Variants in CACNA2D1 observed in about 807,000 individuals in gnomAD.
CACNA2D1 encodes voltage-dependent calcium channel subunit alpha-2/delta-1.
CACNA2D1 carries 53 observed loss-of-function variants against 171.5 expected under a neutral mutation model. The observed-to-expected ratio is 0.31, with a 90% CI of 0.25 to 0.39. The LOEUF is 0.39. Among genes scored for constraint, CACNA2D1 ranks in the 10% least tolerant of loss-of-function variants. The pLI, the probability that CACNA2D1 is intolerant of heterozygous loss-of-function variation, is 1.00. For missense variants in CACNA2D1, 903 were observed against 1,299.8 expected (o/e 0.69, Z 4.69); for synonymous variants, 442 against 443.1 (o/e 1.00, Z 0.03).
intron 3 of CACNA2D1, among the ~76,000 whole-genome samples, chr7:82,309,211 A>G (rs1366994608): frequency 6.6e-6 from 1 of 151,936 alleles, no homozygotes; most frequent in Admixed American, 6.6e-5. Flanking sequence ...TTCAAGATCC[A>G]CCTGGCCAAC....
intron 15 of CACNA2D1, chr7:82,009,343 C>A (rs1799482722): frequency 6.6e-6 from 1 of 152,088 alleles, no homozygotes; most frequent in Admixed American, 6.6e-5. Flanking sequence ...CAGACTCATA[C>A]AGTGATAGAC....
At chr7:82,192,475 TGTGTG>T (rs1798416253) in intron 3 of CACNA2D1, among the ~76,000 whole-genome samples, 3 of 32,154 alleles carry the variant, frequency 9.3e-5, no homozygotes, top group African/African-American at 1.8e-4. Context: ...TGTGTGTGTG[TGTGTG>T]TGTGTGTGTG....
chr7:82,378,940 T>C (rs1270708994), intron 1 of CACNA2D1, among the ~76,000 whole-genome samples: 1 of 3,710 alleles, frequency 2.7e-4, no homozygotes, highest in Non-Finnish European at 6.0e-4. Context: ...GGTTGACTCG[T>C]GTGTGTGTGT....
At chr7:81,962,544 T>G (rs2130263971) in intron 34 of CACNA2D1, 49 bp from the exon 35 acceptor site, 1 of 1,147,486 alleles carries the variant, frequency 8.7e-7, no homozygotes, top group Non-Finnish European at 1.3e-6. Context: ...AAAAAATGTG[T>G]TTTTACATGT....
chr7:82,018,883 G>C (rs889295709), intron 12 of CACNA2D1, among the ~76,000 whole-genome samples: 1 of 150,856 alleles, frequency 6.6e-6, no homozygotes, highest in Non-Finnish European at 1.5e-5. Flanking sequence ...ACCCTAGGGT[G>C]CTGAGGCAGG....
chr7:82,249,431 T>C (rs1298837064), intron 3 of CACNA2D1, among the ~76,000 whole-genome samples: 4 of 152,148 alleles, frequency 2.6e-5, no homozygotes, highest in African/African-American at 9.7e-5. Context: ...AAAAAGCAAA[T>C]GTAGGGAACA....
rs559533450 is a variant in CACNA2D1 at position 81,967,550 on chromosome 7, T to C, written c.2463+46A>G. ...ACCTTATATTTTTTTCTATTGAATT[T>C]TGAAAACATTAAACATAGCATAAGA... On this transcript the variant is annotated intron_variant, in intron 30 of 38. Transcript: ENST00000356860. 387 of 1,026,020 alleles carry C rather than the reference T, an allele frequency of 3.8e-4. 4 individuals are homozygous for C. The highest frequency in any genetic ancestry group is 2.9e-3 in the South Asian group (212 of 72,506). 63.6% of individuals were successfully genotyped at this position (1,026,020 alleles called of 1,614,324 possible). A position where few individuals can be genotyped will look rare whatever the true frequency, so the allele number is the denominator to read the frequency against.
At chr7:82,423,277 T>C (rs1275375197) in intron 1 of CACNA2D1, among the ~76,000 whole-genome samples, 1 of 152,294 alleles carries the variant, frequency 6.6e-6, no homozygotes, top group Non-Finnish European at 1.5e-5. Context: ...CATGCATTAA[T>C]GTTTTTATCT....
intron 19 of CACNA2D1, among the ~76,000 whole-genome samples, chr7:81,996,674 A>G (rs563081065): frequency 1.5e-3 from 223 of 150,756 alleles, no homozygotes; most frequent in African/African-American, 5.3e-3. Flanking sequence ...TAATATTTTT[A>G]TTATTAATAT....
intron 2 of CACNA2D1, among the ~76,000 whole-genome samples, chr7:82,344,395 A>G (rs1292509219): frequency 6.6e-6 from 1 of 152,224 alleles, no homozygotes; most frequent in African/African-American, 2.4e-5. Flanking sequence ...AACAATAAAT[A>G]ATAACATATC....
At chr7:82,186,086 G>A (rs1349029571) in intron 3 of CACNA2D1, among the ~76,000 whole-genome samples, 2 of 151,730 alleles carry the variant, frequency 1.3e-5, no homozygotes, top group African/African-American at 2.4e-5. Flanking sequence ...AACCCGGGAG[G>A]TGGAGGCTGC....
chr7:82,438,630 T>G (rs868138604), intron 1 of CACNA2D1, among the ~76,000 whole-genome samples: 2 of 152,184 alleles, frequency 1.3e-5, no homozygotes, highest in South Asian at 4.1e-4. Context: ...CATTCCTAGT[T>G]TACTGGAAAG....
Position 81,948,650 on chromosome 7 carries a change from TAA to T in CACNA2D1, c.*1740_*1741del, listed in dbSNP as rs899492817. 2.6e-5 allele frequency: 4 copies of T among 151,834 alleles called. No individual in the cohort carries two copies. The highest frequency in any genetic ancestry group is 9.7e-5 in the African/African-American group (4 of 41,398). 9.4% of individuals were successfully genotyped at this position (151,834 alleles called of 1,614,324 possible). Reference sequence around the variant, plus strand: ...CTGGATAATGTTAATAACTTTGACTTAAAAAGGATATGTAAGAAAATTTCCAG... The same window carrying T: ...CTGGATAATGTTAATAACTTTGACTTAAAGGATATGTAAGAAAATTTCCAG... On this transcript the variant is annotated 3_prime_UTR_variant, in exon 39 of 39. Transcript: ENST00000356860.
At position 82,297,616 on chromosome 7, in the gene CACNA2D1, T is replaced by C. The variant is rs1168829931; in HGVS notation, c.294+37519A>G. Among the ~76,000 whole-genome samples the C allele has an allele frequency of 1.3e-5, 2 of 152,176 alleles. 1 individual carries two copies. Among genetic ancestry groups the C allele is most frequent in the East Asian group, 3.9e-4 (2 of 5,194 alleles). On this transcript the variant is annotated intron_variant, in intron 3 of 38. Transcript: ENST00000356860. ...CTATTAAACAAATGAACAAACAGAA[T>C]TCTAGGATACAATGGCTACGTTTTT...
intron 3 of CACNA2D1, among the ~76,000 whole-genome samples, chr7:82,198,775 T>C (rs1799105168): frequency 6.6e-6 from 1 of 152,074 alleles, no homozygotes; most frequent in South Asian, 2.1e-4. Context: ...CTCTACTCTA[T>C]TAATACTATG....
At chr7:82,075,955 T>C (rs1038845694) in intron 7 of CACNA2D1, among the ~76,000 whole-genome samples, 1 of 152,264 alleles carries the variant, frequency 6.6e-6, no homozygotes, top group East Asian at 1.9e-4. Flanking sequence ...TATTTACATA[T>C]TTTGCATATA....
At chr7:82,310,081 A>C (rs938999451) in intron 3 of CACNA2D1, among the ~76,000 whole-genome samples, 28 of 152,180 alleles carry the variant, frequency 1.8e-4, no homozygotes, top group African/African-American at 6.3e-4. Flanking sequence ...AGAAAAGCTA[A>C]ATATATTTAG....
chr7:82,015,336 T>C (rs1228652413), intron 12 of CACNA2D1, among the ~76,000 whole-genome samples: 2 of 152,274 alleles, frequency 1.3e-5, no homozygotes, highest in Non-Finnish European at 1.5e-5. Context: ...TTATTTTCTA[T>C]AAAAGTTGGC....
intron 3 of CACNA2D1, among the ~76,000 whole-genome samples, chr7:82,202,490 G>C (rs1206785628): frequency 6.6e-6 from 1 of 152,178 alleles, no homozygotes; most frequent in Non-Finnish European, 1.5e-5. Context: ...TGGAAACCTG[G>C]GCGGCAGTAG....
Sources: allele counts gnomAD v4.1 joint callset (sites outside exome capture counted in the v4.1 genomes callset), GRCh38; gene constraint gnomAD v4.1.1; transcripts MANE v1.5; gene names NCBI Gene and HGNC (gene_info 2026-07-23, HGNC 2026-07-21).